Variants in SAXO2 observed in about 807,000 individuals in gnomAD.
SAXO2 encodes the protein family with sequence similarity 154, member B.
A neutral mutation model predicts 18.7 loss-of-function variants in SAXO2; 17 were observed. That is an observed-to-expected ratio of 0.91 (90% confidence interval 0.62 to 1.36). The LOEUF (loss-of-function observed/expected upper bound fraction) is 1.36. Ranked by LOEUF, SAXO2 falls within the 40% of genes most tolerant of loss-of-function variation. The probability of loss-of-function intolerance (pLI) is 0.00; values close to 1 mark genes in which losing one functional copy is unlikely to be tolerated. For synonymous variants in SAXO2, 163 were observed against 181.2 expected, an observed-to-expected ratio of 0.90 and a Z score of 0.81; for missense variants, 486 against 562.6, an observed-to-expected ratio of 0.86 and a Z score of 1.38.
At chr15:82,266,707 CTT>C (rs756077617) in intron 2 of SAXO2, among the ~76,000 whole-genome samples, 1 of 152,192 alleles carries the variant, frequency 6.6e-6, no homozygotes, top group East Asian at 1.9e-4. Flanking sequence ...TTCTCTGAGA[CTT>C]TTCAGATTAG....
At chr15:82,279,743 G>T (rs1340283144) in intron 3 of SAXO2, among the ~76,000 whole-genome samples, 1 of 152,174 alleles carries the variant, frequency 6.6e-6, no homozygotes, top group East Asian at 1.9e-4. Context: ...ACAGGGAGCA[G>T]TCCCAAGTAC....
intron 3 of SAXO2, 73 bp downstream of exon 3, chr15:82,271,875 A>G (rs771664881): frequency 7.6e-6 from 10 of 1,319,766 alleles, no homozygotes; most frequent in Non-Finnish European, 1.1e-5. Flanking sequence ...CTAATATCAA[A>G]TTATAACTTT....
At position 82,271,529 on chromosome 15, in the gene SAXO2, A is replaced by G. The variant is rs893917079; in HGVS notation, c.234-74A>G. ...GTAAAAAAGAAAAAAAAGCCTTGAC[A>G]TTTTCCATACTTCATTGAAATAATT... On this transcript the variant is annotated intron_variant, in intron 2 of 3. Transcript: ENST00000682753. 10 of 1,288,566 alleles carry G rather than the reference A, an allele frequency of 7.8e-6. No homozygotes were observed. The African/African-American group carries it at 1.4e-4, about 17-fold the overall frequency. 79.8% of individuals were successfully genotyped at this position (1,288,566 alleles called of 1,614,324 possible).
In SAXO2 at chr15:82,271,819, T is replaced by C; in HGVS notation, c.433+17T>C. The C allele has an allele frequency of 2.5e-6, 4 of 1,598,076 alleles. No homozygotes were observed. The highest frequency in any genetic ancestry group is 3.4e-6 in the Non-Finnish European group (4 of 1,174,440). ...CCTATAAAGGTAACTTGCTGTTTCATACATGAAGGAGCCAAAAAACTAAAA... is the reference window on the plus strand; with the variant it reads ...CCTATAAAGGTAACTTGCTGTTTCACACATGAAGGAGCCAAAAAACTAAAA... On this transcript the variant is annotated intron_variant, in intron 3 of 3. Coordinates refer to ENST00000682753, the MANE Select transcript of SAXO2 (RefSeq NM_001348699.2).
chr15:82,270,931 C>T (rs1265017279), intron 2 of SAXO2, among the ~76,000 whole-genome samples: 1 of 152,162 alleles, frequency 6.6e-6, no homozygotes, highest in Non-Finnish European at 1.5e-5. Flanking sequence ...TGGTCTTCTC[C>T]ATTCCTCAGT....
intron 1 of SAXO2, among the ~76,000 whole-genome samples, chr15:82,264,139 C>T (rs1225871016): frequency 6.9e-5 from 10 of 144,872 alleles, no homozygotes; most frequent in African/African-American, 1.8e-4. Context: ...GGCGCAATCT[C>T]GGCTCACTGC....
chr15:82,268,541 G>A (rs1280528763), intron 2 of SAXO2, among the ~76,000 whole-genome samples: 1 of 152,196 alleles, frequency 6.6e-6, no homozygotes, highest in Non-Finnish European at 1.5e-5. Context: ...TAATCTAGGA[G>A]CTTGAAACTC....
chr15:82,264,567 G>C, intron 1 of SAXO2: 2 of 685,326 alleles, frequency 2.9e-6, no homozygotes, highest in South Asian at 3.1e-5. Context: ...ATCTCCTCTG[G>C]TTAGTCTAGG....
chr15:82,268,990 G>A (rs752752964), intron 2 of SAXO2, among the ~76,000 whole-genome samples: 21 of 152,046 alleles, frequency 1.4e-4, no homozygotes, highest in Non-Finnish European at 2.5e-4. Flanking sequence ...CCTCTAGTTC[G>A]TATTTGGGAA....
At chr15:82,281,790 C>T (rs1386144155) in intron 3 of SAXO2, among the ~76,000 whole-genome samples, 1 of 151,604 alleles carries the variant, frequency 6.6e-6, no homozygotes, top group African/African-American at 2.4e-5. Flanking sequence ...ATCTCCTAAA[C>T]TCTGTCCTCA....
intron 3 of SAXO2, 46 bp downstream of exon 3, chr15:82,271,848 A>C: frequency 3.7e-5 from 55 of 1,502,078 alleles, no homozygotes; most frequent in Non-Finnish European, 4.8e-5. Context: ...ACTAAAACTC[A>C]CTTCCAGCTT....
chr15:82,268,038 G>A (rs1190208489), intron 2 of SAXO2, among the ~76,000 whole-genome samples: 2 of 152,182 alleles, frequency 1.3e-5, no homozygotes, highest in Non-Finnish European at 2.9e-5. Flanking sequence ...CTGTGGGAAA[G>A]TCCAGAAATA....
intron 3 of SAXO2, among the ~76,000 whole-genome samples, chr15:82,273,978 C>T (rs527290623): frequency 9.2e-5 from 14 of 152,078 alleles, no homozygotes; most frequent in African/African-American, 3.4e-4. Context: ...CCTTGTGATT[C>T]GCCCGCCTTG....
chr15:82,282,189 T>C lies in SAXO2; in HGVS notation c.504T>C (p.Thr168=), dbSNP rs1170432450. The change falls in exon 4 of 4, where the codon ACT becomes ACC. Residue 168 remains threonine, a synonymous_variant. Transcript: ENST00000682753. ...CAGAACAAACTTACCACCCGCCTAC[T>C]GTGAAATTTGGAAATTCAACTACAT... The part of the protein sequence containing the change: ...YKPEQTYHPP[T]VKFGNSTTFQ... The C allele has an allele frequency of 1.2e-6, 2 of 1,614,084 alleles. No individual in the cohort carries two copies. The highest frequency in any genetic ancestry group is 1.7e-5 in the Admixed American group (1 of 60,014).
chr15:82,269,802 G>A (rs1383950147), intron 2 of SAXO2, among the ~76,000 whole-genome samples: 1 of 152,142 alleles, frequency 6.6e-6, no homozygotes, highest in Non-Finnish European at 1.5e-5. Context: ...GCATATTATG[G>A]TGGTGGCAGA....
chr15:82,264,498 A>G (rs537398570), intron 1 of SAXO2, among the ~76,000 whole-genome samples: 35 of 152,170 alleles, frequency 2.3e-4, no homozygotes, highest in African/African-American at 8.2e-4. Flanking sequence ...CTCTTAAATA[A>G]CTGTATACTA....
Position 82,272,552 on chromosome 15 carries a change from T to G in SAXO2, c.433+750T>G, listed in dbSNP as rs564529382. Among the ~76,000 whole-genome samples the G allele has an allele frequency of 6.1e-3, 930 of 151,798 alleles. 5 individuals carry two copies. Among genetic ancestry groups the G allele is most frequent in the Non-Finnish European group, 9.4e-3 (642 of 67,966 alleles). On this transcript the variant is annotated intron_variant, in intron 3 of 3. Coordinates refer to ENST00000682753, the MANE Select transcript of SAXO2 (RefSeq NM_001348699.2). ...TTTTGTTGTTGTTGTTGTTTTTGGGTTTTTTTTGTGACAGAGTCTCGTTCT... is the reference window on the plus strand; with the variant it reads ...TTTTGTTGTTGTTGTTGTTTTTGGGGTTTTTTTGTGACAGAGTCTCGTTCT...
At chr15:82,276,681 A>G (rs2075318185) in intron 3 of SAXO2, among the ~76,000 whole-genome samples, 1 of 152,154 alleles carries the variant, frequency 6.6e-6, no homozygotes, top group South Asian at 2.1e-4. Flanking sequence ...AACCATATGC[A>G]GAAGGTGCAA....
At chr15:82,264,274 G>T (rs1339932200) in intron 1 of SAXO2, among the ~76,000 whole-genome samples, 1 of 151,444 alleles carries the variant, frequency 6.6e-6, no homozygotes, top group Non-Finnish European at 1.5e-5. Context: ...GTTTCACCAT[G>T]TTGGCCTCCA....
Sources: allele counts gnomAD v4.1 joint callset (sites outside exome capture counted in the v4.1 genomes callset), GRCh38; gene constraint gnomAD v4.1.1; transcripts MANE v1.5; gene names NCBI Gene and HGNC (gene_info 2026-07-23, HGNC 2026-07-21).